The following SLC8A1 variants were observed in gnomAD, a reference collection of about 807,000 sequenced individuals.
SLC8A1 encodes solute carrier family 8 member A1, also known as sodium/calcium exchanger 1.
SLC8A1 carries 18 observed loss-of-function variants against 68.3 expected under a neutral mutation model. The ratio of observed to expected loss-of-function variants is 0.26; its 90% CI spans 0.18 to 0.39. The LOEUF (loss-of-function observed/expected upper bound fraction) is 0.39. Among genes scored for constraint, SLC8A1 ranks in the 10% least tolerant of loss-of-function variants. The pLI, the probability that SLC8A1 is intolerant of heterozygous loss-of-function variation, is 1.00. For synonymous variants in SLC8A1, 475 were observed against 415.5 expected (o/e 1.14, Z -1.74); for missense variants, 985 against 1,156.7 (o/e 0.85, Z 2.15).
intron 2 of SLC8A1, among the ~76,000 whole-genome samples, chr2:40,212,175 A>C (rs912558307): frequency 3.3e-5 from 5 of 152,152 alleles, no homozygotes; most frequent in Admixed American, 6.5e-5. Flanking sequence ...ACAGAGAAAG[A>C]GACATAAATC....
chr2:40,378,821 C>G (rs1340029485), intron 2 of SLC8A1, among the ~76,000 whole-genome samples: 2 of 152,026 alleles, frequency 1.3e-5, no homozygotes, highest in East Asian at 3.9e-4. Context: ...ATGGCCTTGC[C>G]CCTCATTTTG....
At chr2:40,385,132 T>A (rs548943201) in intron 2 of SLC8A1, among the ~76,000 whole-genome samples, 1 of 152,180 alleles carries the variant, frequency 6.6e-6, no homozygotes, top group African/African-American at 2.4e-5. Context: ...TGATGAAAAG[T>A]TAATTGCAAA....
chr2:40,482,826 T>G (rs1402365677), intron 1 of SLC8A1, among the ~76,000 whole-genome samples: 1 of 150,318 alleles, frequency 6.7e-6, no homozygotes, highest in African/African-American at 2.5e-5. Context: ...AATCTCGCTC[T>G]GTAGCCCAGG....
chr2:40,346,819 T>C (rs542799023), intron 2 of SLC8A1, among the ~76,000 whole-genome samples: 67 of 152,282 alleles, frequency 4.4e-4, no homozygotes, highest in Non-Finnish European at 8.4e-4. Flanking sequence ...CTTTCTAGTT[T>C]GGAATAATTT....
chr2:40,361,836 T>C (rs539987777), intron 2 of SLC8A1, among the ~76,000 whole-genome samples: 2 of 151,368 alleles, frequency 1.3e-5, no homozygotes, highest in Non-Finnish European at 2.9e-5. Context: ...AAATGCATAA[T>C]TTTTCAATAA....
rs1488040737 is a variant in SLC8A1, at chr2:40,160,749, A to G, written c.2161+16T>C. ...TGGGCAATTTTAATTTATAATATGCAGAGAAAGGCACTCACCAGCACTGAC... is the reference window on the plus strand; with the variant it reads ...TGGGCAATTTTAATTTATAATATGCGGAGAAAGGCACTCACCAGCACTGAC... On this transcript the variant is annotated intron_variant, in intron 6 of 7. Transcript: ENST00000406785. 3 of 1,607,308 alleles carry G rather than the reference A, an allele frequency of 1.9e-6. No homozygotes were observed. Among genetic ancestry groups the G allele is most frequent in the Non-Finnish European group, 2.6e-6 (3 of 1,173,958 alleles).
chr2:40,470,777 T>A (rs1395197825), intron 1 of SLC8A1, among the ~76,000 whole-genome samples: 2 of 152,040 alleles, frequency 1.3e-5, no homozygotes, highest in East Asian at 3.9e-4. Context: ...AGACTTAATT[T>A]TTTCACAATT....
At chr2:40,286,609 G>T (rs1397815955) in intron 2 of SLC8A1, among the ~76,000 whole-genome samples, 1 of 152,106 alleles carries the variant, frequency 6.6e-6, no homozygotes, top group South Asian at 2.1e-4. Context: ...TGGACTAAAG[G>T]CCAGCTTAAG....
At chr2:40,392,877 ACTT>A (rs1450409606) in intron 2 of SLC8A1, among the ~76,000 whole-genome samples, 2 of 152,068 alleles carry the variant, frequency 1.3e-5, no homozygotes, top group Non-Finnish European at 2.9e-5. Flanking sequence ...TACTCACTTC[ACTT>A]CTTCTTACCC....
chr2:40,382,265 C>T (rs562556760), intron 2 of SLC8A1, among the ~76,000 whole-genome samples: 1 of 152,186 alleles, frequency 6.6e-6, no homozygotes, highest in South Asian at 2.1e-4. Flanking sequence ...AGAAGTTCTC[C>T]TAACCAATCT....
At chr2:40,200,212 ATATATATTTTTT>A (rs1386409456) in intron 2 of SLC8A1, among the ~76,000 whole-genome samples, 192 of 9,510 alleles carry the variant, frequency 0.02, 7 homozygotes, top group Non-Finnish European at 0.027. Context: ...ATATAAATAT[ATATATATTTTTT>A]TATATATATA....
chr2:40,184,770 C>G (rs541595586), intron 2 of SLC8A1, among the ~76,000 whole-genome samples: 1 of 152,014 alleles, frequency 6.6e-6, no homozygotes, highest in Non-Finnish European at 1.5e-5. Context: ...TGACCCAGGA[C>G]TGACCACGCA....
intron 7 of SLC8A1, among the ~76,000 whole-genome samples, chr2:40,126,517 A>G (rs1331652055): frequency 6.6e-6 from 1 of 152,184 alleles, no homozygotes; most frequent in Non-Finnish European, 1.5e-5. Context: ...TGAGAGTATC[A>G]AGTGCTGGAG....
Position 40,361,112 on chromosome 2 carries a change from G to A in SLC8A1, c.1808+67361C>T, listed in dbSNP as rs933006803. ...GAAGAAAGGGACTTAGTAAGTTGAA[G>A]ATTTCCCAACAGCAGAAACCATGGC... On this transcript the variant is annotated intron_variant, in intron 2 of 7. Coordinates refer to ENST00000406785, the Ensembl canonical transcript of SLC8A1. Among the ~76,000 whole-genome samples, 5 of 152,158 alleles carry A rather than the reference G, an allele frequency of 3.3e-5. No individual in the cohort carries two copies. The East Asian group carries it at 9.7e-4, about 29-fold the overall frequency.
chr2:40,322,329 T>C (rs2075296251), intron 2 of SLC8A1, among the ~76,000 whole-genome samples: 1 of 151,856 alleles, frequency 6.6e-6, no homozygotes, highest in Non-Finnish European at 1.5e-5. Context: ...TATATAATTT[T>C]TGAAGGAAAA....
chr2:40,147,748 C>T (rs1191013961), intron 6 of SLC8A1, among the ~76,000 whole-genome samples: 1 of 152,126 alleles, frequency 6.6e-6, no homozygotes, highest in East Asian at 1.9e-4. Flanking sequence ...TAAATGTATA[C>T]CCAAGTCTGC....
At chr2:40,144,246 G>T (rs2042064876) in intron 6 of SLC8A1, among the ~76,000 whole-genome samples, 1 of 152,134 alleles carries the variant, frequency 6.6e-6, no homozygotes, top group South Asian at 2.1e-4. Context: ...ACCTGGTGGG[G>T]TGTCTCTTAA....
intron 2 of SLC8A1, among the ~76,000 whole-genome samples, chr2:40,418,121 G>A (rs779503433): frequency 6.6e-6 from 1 of 152,228 alleles, no homozygotes; most frequent in East Asian, 1.9e-4. Context: ...CAAACCTATA[G>A]AGGACACTTA....
intron 2 of SLC8A1, among the ~76,000 whole-genome samples, chr2:40,290,310 T>C (rs2069074825): frequency 6.6e-6 from 1 of 152,190 alleles, no homozygotes; most frequent in Non-Finnish European, 1.5e-5. Flanking sequence ...GTTTAGTAGT[T>C]TCAGGCAAAT....
Sources: allele counts gnomAD v4.1 joint callset (sites outside exome capture counted in the v4.1 genomes callset), GRCh38; gene constraint gnomAD v4.1.1; transcripts MANE v1.5; gene names NCBI Gene and HGNC (gene_info 2026-07-23, HGNC 2026-07-21).